GRID1: variants seen among roughly 807,000 people sequenced by gnomAD.
GRID1 encodes glutamate receptor ionotropic, delta-1.
GRID1 carries 28 observed loss-of-function variants against 98.0 expected under a neutral mutation model. The observed-to-expected ratio is 0.29, with a 90% CI of 0.21 to 0.39. The LOEUF (loss-of-function observed/expected upper bound fraction) is 0.39. Ranked by LOEUF, GRID1 falls within the 10% of genes least tolerant of loss-of-function variation. GRID1 has a pLI of 1.00. For missense variants in GRID1, 1,111 were observed against 1,340.5 expected, an observed-to-expected ratio of 0.83 and a Z score of 2.67; for synonymous variants, 553 against 538.5, an observed-to-expected ratio of 1.03 and a Z score of -0.37.
intron 4 of GRID1, among the ~76,000 whole-genome samples, chr10:85,937,454 C>T (rs1232962479): frequency 1.3e-5 from 2 of 152,194 alleles, no homozygotes; most frequent in Non-Finnish European, 2.9e-5. Context: ...CTCTCTGTAT[C>T]CAGCCGAGTA....
chr10:85,746,356 G>A (rs898495786), intron 8 of GRID1, among the ~76,000 whole-genome samples: 19 of 152,126 alleles, frequency 1.2e-4, no homozygotes, highest in African/African-American at 4.6e-4. Context: ...CAGGATAGCA[G>A]GTTGCATGTT....
chr10:86,040,375 T>G (rs1467726999), intron 4 of GRID1, among the ~76,000 whole-genome samples: 3 of 152,036 alleles, frequency 2.0e-5, no homozygotes, highest in African/African-American at 7.3e-5. Flanking sequence ...GAAAATGTGT[T>G]ATACATAAAA....
chr10:85,759,490 C>T (rs1842127451), intron 8 of GRID1, among the ~76,000 whole-genome samples: 1 of 152,214 alleles, frequency 6.6e-6, no homozygotes, highest in Non-Finnish European at 1.5e-5. Context: ...AACCAACTCC[C>T]TCTTGGAATA....
At chr10:85,678,251 C>T (rs1168729108) in intron 12 of GRID1, among the ~76,000 whole-genome samples, 1 of 152,142 alleles carries the variant, frequency 6.6e-6, no homozygotes, top group Non-Finnish European at 1.5e-5. Flanking sequence ...CAAGGTGCCC[C>T]AGGAGAAAAC....
At chr10:86,074,183 T>A (rs115668359) in intron 4 of GRID1, among the ~76,000 whole-genome samples, 1 of 152,350 alleles carries the variant, frequency 6.6e-6, no homozygotes, top group African/African-American at 2.4e-5. Flanking sequence ...GATCAAGCCA[T>A]GGTGTCCATC....
chr10:86,355,860 G>T (rs991196723), intron 2 of GRID1, among the ~76,000 whole-genome samples: 6 of 152,272 alleles, frequency 3.9e-5, no homozygotes, highest in African/African-American at 1.4e-4. Flanking sequence ...ACTGCCATTA[G>T]CAGGAGAGGG....
chr10:85,913,264 T>C (rs1223770440), intron 5 of GRID1, among the ~76,000 whole-genome samples: 2 of 152,202 alleles, frequency 1.3e-5, no homozygotes, highest in Non-Finnish European at 2.9e-5. Context: ...GCCAAGGCCA[T>C]GTGCATGAAA....
Position 85,832,559 on chromosome 10 carries a change from T to C in GRID1, c.1233+21937A>G, listed in dbSNP as rs138168473. 1.4e-4 allele frequency among the ~76,000 whole-genome samples: 21 copies of C among 152,276 alleles called. No individual in the cohort carries two copies. The East Asian group carries it at 4.1e-3, about 29-fold the overall frequency. On this transcript the variant is annotated intron_variant, in intron 8 of 15. Transcript: ENST00000327946. ...AGTTTCTGAAGAAGATGATGTAGAC[T>C]CATTTCTCCCTGCTCTTCTCTGCTA...
chr10:86,316,351 A>G (rs1312899654), intron 2 of GRID1, among the ~76,000 whole-genome samples: 1 of 152,284 alleles, frequency 6.6e-6, no homozygotes, highest in Non-Finnish European at 1.5e-5. Context: ...CAGCTCCTTC[A>G]TGTCAGGGGC....
intron 12 of GRID1, among the ~76,000 whole-genome samples, chr10:85,673,936 T>A (rs1454347770): frequency 1.3e-5 from 2 of 152,194 alleles, no homozygotes; most frequent in Non-Finnish European, 2.9e-5. Flanking sequence ...TGGGACCAGT[T>A]TATTGCAATA....
intron 12 of GRID1, among the ~76,000 whole-genome samples, chr10:85,655,784 C>T (rs1840888620): frequency 1.3e-5 from 2 of 152,108 alleles, no homozygotes; most frequent in South Asian, 4.1e-4. Context: ...TGAATAGTTG[C>T]CTTCCATCCT....
chr10:85,959,899 T>C (rs1487514573), intron 4 of GRID1, among the ~76,000 whole-genome samples: 1 of 152,114 alleles, frequency 6.6e-6, no homozygotes, highest in African/African-American at 2.4e-5. Flanking sequence ...TTTTTTTTTT[T>C]AAGACAGGAT....
At chr10:86,227,630 C>T (rs191559314) in intron 2 of GRID1, among the ~76,000 whole-genome samples, 15 of 152,088 alleles carry the variant, frequency 9.9e-5, no homozygotes, top group African/African-American at 3.6e-4. Flanking sequence ...CCTTACTCTG[C>T]TGTCCTTCCT....
At chr10:86,153,455 TC>T (rs1320099044) in intron 3 of GRID1, among the ~76,000 whole-genome samples, 1 of 152,234 alleles carries the variant, frequency 6.6e-6, no homozygotes, top group East Asian at 1.9e-4. Flanking sequence ...AGTTCATCAT[TC>T]CCTAATTATT....
chr10:85,985,049 C>A (rs1402903862), intron 4 of GRID1, among the ~76,000 whole-genome samples: 1 of 152,114 alleles, frequency 6.6e-6, no homozygotes, highest in Non-Finnish European at 1.5e-5. Context: ...CATCTCTGGG[C>A]TCTACCCACT....
chr10:86,304,040 AG>A, intron 2 of GRID1, among the ~76,000 whole-genome samples: 1 of 152,258 alleles, frequency 6.6e-6, no homozygotes, highest in East Asian at 1.9e-4. Context: ...AGACTCTTGC[AG>A]GCTGTGAAGC....
intron 3 of GRID1, among the ~76,000 whole-genome samples, chr10:86,177,315 C>T (rs756133545): frequency 4.6e-5 from 7 of 152,180 alleles, no homozygotes; most frequent in African/African-American, 7.2e-5. Context: ...TGAGCCACCC[C>T]GTGGGAAAAC....
At chr10:85,606,427 C>A (rs1355823396) in intron 15 of GRID1, 1 of 152,154 alleles carries the variant, frequency 6.6e-6, no homozygotes, top group African/African-American at 2.4e-5. Flanking sequence ...GAGGACAAAC[C>A]CTAGGAGATG....
intron 8 of GRID1, among the ~76,000 whole-genome samples, chr10:85,773,397 C>T (rs1169213582): frequency 4.6e-5 from 7 of 152,336 alleles, no homozygotes; most frequent in Admixed American, 1.3e-4. Context: ...GGAAGCATTC[C>T]CTTTGAAAAC....
Sources: allele counts gnomAD v4.1 joint callset (sites outside exome capture counted in the v4.1 genomes callset), GRCh38; gene constraint gnomAD v4.1.1; transcripts MANE v1.5; gene names NCBI Gene and HGNC (gene_info 2026-07-23, HGNC 2026-07-21).